GAPVD1: variants seen among roughly 807,000 people sequenced by gnomAD.
GAPVD1 encodes the protein GTPase activating protein and VPS9 domains 1, also known as GTPase-activating protein and VPS9 domain-containing protein 1.
GAPVD1 carries 35 observed loss-of-function variants against 155.5 expected under a neutral mutation model. The observed-to-expected ratio is 0.23, with a 90% confidence interval of 0.17 to 0.30. The LOEUF (loss-of-function observed/expected upper bound fraction) is 0.30. GAPVD1 is among the 10% of genes least tolerant of loss of function. The pLI, the probability that GAPVD1 is intolerant of heterozygous loss-of-function variation, is 1.00. For synonymous variants in GAPVD1, 636 were observed against 619.7 expected (o/e 1.03, Z -0.39); for missense variants, 1,429 against 1,775.7 (o/e 0.80, Z 3.51).
At chr9:125,267,443 G>C (rs933531902) in intron 1 of GAPVD1, among the ~76,000 whole-genome samples, 18 of 151,892 alleles carry the variant, frequency 1.2e-4, no homozygotes, top group African/African-American at 4.1e-4. Context: ...TTTTGAGATG[G>C]AGTTTCACTC....
At chr9:125,301,208 A>G (rs1040777545) in intron 4 of GAPVD1, among the ~76,000 whole-genome samples, 2 of 152,024 alleles carry the variant, frequency 1.3e-5, no homozygotes, top group African/African-American at 4.8e-5. Context: ...TGCTGGGCCT[A>G]CAGGCACACG....
intron 12 of GAPVD1, among the ~76,000 whole-genome samples, chr9:125,326,854 C>T (rs1349952003): frequency 6.6e-6 from 1 of 151,654 alleles, no homozygotes; most frequent in African/African-American, 2.4e-5. Context: ...AAAGAAAAAC[C>T]AGTGTTTTGA....
chr9:125,314,600 G>T lies in GAPVD1; in HGVS notation c.1602+1988G>T, dbSNP rs569155062. Among the ~76,000 whole-genome samples, 12 of 152,052 alleles carry T rather than the reference G, an allele frequency of 7.9e-5. No homozygotes were observed. In the South Asian group the frequency reaches 1.7e-3, roughly 21 times the overall value. On this transcript the variant is annotated intron_variant, in intron 9 of 27. Coordinates refer to ENST00000297933, the MANE Select transcript of GAPVD1 (RefSeq NM_001282680.3). ...ACCCGGGACGTGGAGGTTGCAGTGA[G>T]CTGAGATCGCCCCATTGCACTCCAG...
intron 2 of GAPVD1, among the ~76,000 whole-genome samples, chr9:125,294,652 GTTTTTTT>G (rs34715258): frequency 7.4e-6 from 1 of 135,106 alleles, no homozygotes; most frequent in African/African-American, 2.7e-5. Context: ...AGCTAAAATG[GTTTTTTT>G]TTTTTTTTTT....
chr9:125,350,250 C>A, intron 21 of GAPVD1, 45 bp from the exon 22 acceptor site: 2 of 1,071,464 alleles, frequency 1.9e-6, no homozygotes, highest in South Asian at 2.8e-5. Context: ...AAAATGTGAC[C>A]ATATCTGGAT....
intron 19 of GAPVD1, chr9:125,346,541 T>A: frequency 2.1e-6 from 1 of 470,056 alleles, no homozygotes; most frequent in Admixed American, 3.4e-5. Context: ...ACTTTAGAAA[T>A]CCGTCATCCA....
chr9:125,329,405 T>C (rs1845752425), intron 12 of GAPVD1, among the ~76,000 whole-genome samples: 1 of 152,180 alleles, frequency 6.6e-6, no homozygotes, highest in Non-Finnish European at 1.5e-5. Flanking sequence ...TAGAACGATA[T>C]TAAGGACCCC....
At chr9:125,354,065 A>G (rs752696565) in intron 23 of GAPVD1, among the ~76,000 whole-genome samples, 12 of 152,214 alleles carry the variant, frequency 7.9e-5, no homozygotes, top group Non-Finnish European at 1.6e-4. Context: ...GGACCAGAGA[A>G]GCAGATGTAA....
intron 1 of GAPVD1, among the ~76,000 whole-genome samples, chr9:125,266,456 G>A (rs1833984531): frequency 6.6e-6 from 1 of 151,918 alleles, no homozygotes; most frequent in Admixed American, 6.6e-5. Context: ...TGGGACTACA[G>A]GCGCCCGCCA....
rs1849810660 is a variant in GAPVD1, at chr9:125,354,738, A to G, written c.3654A>G (p.Gln1218=). The G allele has an allele frequency of 7.4e-6, 12 of 1,613,768 alleles. No individual in the cohort carries two copies. The highest frequency in any genetic ancestry group is 1.0e-5 in the Non-Finnish European group (12 of 1,179,642). The change falls in exon 24 of 28, where the codon CAA becomes CAG. Residue 1218 remains glutamine (Q), a synonymous_variant. Coordinates refer to ENST00000297933, the MANE Select transcript of GAPVD1 (RefSeq NM_001282680.3). ...AGGCTCACCTGGAAAGGCTATTGCA[A>G]AGAGTTTTGCGGGACAAAGAAGTGG... The part of the protein sequence containing the change: ...TTQAHLERLL[Q]RVLRDKEVAN...
intron 2 of GAPVD1, among the ~76,000 whole-genome samples, chr9:125,281,408 C>T (rs148637535): frequency 7.3e-4 from 111 of 152,262 alleles, no homozygotes; most frequent in African/African-American, 2.6e-3. Flanking sequence ...CTCAGCCTCC[C>T]AAAGTGCTGG....
chr9:125,348,019 G>T (rs1180267404), intron 20 of GAPVD1, among the ~76,000 whole-genome samples: 1 of 151,816 alleles, frequency 6.6e-6, no homozygotes, highest in Admixed American at 6.6e-5. Flanking sequence ...CATATATAGA[G>T]AGTGTGTGTG....
rs144909106 is a variant in GAPVD1 at position 125,338,929 on chromosome 9, TTGTGTG to T, written c.2877+1362_2877+1367del. 3.0e-3 allele frequency among the ~76,000 whole-genome samples: 435 copies of T among 146,728 alleles called. 1 individual carries two copies. Among genetic ancestry groups the T allele is most frequent in the Middle Eastern group, 0.014 (4 of 284 alleles). ...ATGGTTTTCTGTCTTTTAAAAAAAT[TTGTGTG>T]TGTGTGTGTGTGTGTGTGTGTGTAT... On this transcript the variant is annotated intron_variant, in intron 17 of 27. Coordinates refer to ENST00000297933, the MANE Select transcript of GAPVD1 (RefSeq NM_001282680.3).
At chr9:125,311,247 C>G (rs1842645083) in intron 8 of GAPVD1, among the ~76,000 whole-genome samples, 1 of 152,090 alleles carries the variant, frequency 6.6e-6, no homozygotes, top group Admixed American at 6.5e-5. Flanking sequence ...GAAAGGACCT[C>G]TTCTCCAAAC....
At chr9:125,354,445 G>C (rs1332031950) in intron 23 of GAPVD1, among the ~76,000 whole-genome samples, 1 of 152,146 alleles carries the variant, frequency 6.6e-6, no homozygotes, top group Non-Finnish European at 1.5e-5. Context: ...ATGGGTGTCT[G>C]TTCTGCAGCT....
At chr9:125,312,121 G>A (rs1280973865) in intron 8 of GAPVD1, among the ~76,000 whole-genome samples, 1 of 152,128 alleles carries the variant, frequency 6.6e-6, no homozygotes. Flanking sequence ...TAAGAAATGA[G>A]GTAATGCTTT....
chr9:125,349,325 C>T (rs117160243), intron 20 of GAPVD1, 65 bp from the exon 21 acceptor site: 350 of 1,391,506 alleles, frequency 2.5e-4, no homozygotes, highest in Non-Finnish European at 3.3e-4. Flanking sequence ...CTCTGAATAC[C>T]TACTAGTGCC....
At position 125,314,653 on chromosome 9, in the gene GAPVD1, TCAAAA is replaced by T. The variant is rs796288507; in HGVS notation, c.1602+2062_1602+2066del. Among the ~76,000 whole-genome samples, 782 of 151,226 alleles carry T rather than the reference TCAAAA, an allele frequency of 5.2e-3. 9 individuals carry two copies. Among genetic ancestry groups the T allele is most frequent in the African/African-American group, 0.018 (734 of 41,156 alleles). ...TGGGCAACAAGAGTGAAACTCTGTC[TCAAAA>T]CAAAACAAAACAAAACAAAAAACAG... On this transcript the variant is annotated intron_variant, in intron 9 of 27. Transcript: ENST00000297933.
At chr9:125,323,305 G>GTGTTT (rs1253603519) in intron 10 of GAPVD1, among the ~76,000 whole-genome samples, 1 of 149,822 alleles carries the variant, frequency 6.7e-6, no homozygotes, top group African/African-American at 2.5e-5. Flanking sequence ...TTGTTGTGTT[G>GTGTTT]TGTTTTGTTT....
Sources: allele counts gnomAD v4.1 joint callset (sites outside exome capture counted in the v4.1 genomes callset), GRCh38; gene constraint gnomAD v4.1.1; transcripts MANE v1.5; gene names NCBI Gene and HGNC (gene_info 2026-07-23, HGNC 2026-07-21).